The following TNRC6B variants were observed in gnomAD, a reference collection of about 807,000 sequenced individuals.
TNRC6B encodes the protein trinucleotide repeat-containing gene 6B protein.
Under a neutral mutation model 203.6 loss-of-function variants are expected in TNRC6B, and 52 were observed. The observed-to-expected ratio is 0.26, with a 90% CI of 0.20 to 0.32. The LOEUF is 0.32. Ranked by LOEUF, TNRC6B falls within the 10% of genes least tolerant of loss-of-function variation. The pLI is 1.00. For missense variants in TNRC6B, 1,923 were observed against 2,286.2 expected, an observed-to-expected ratio of 0.84 and a Z score of 3.24; for synonymous variants, 838 against 845.7, an observed-to-expected ratio of 0.99 and a Z score of 0.16.
intron 1 of TNRC6B, among the ~76,000 whole-genome samples, chr22:40,214,561 A>G (rs201956944): frequency 9.8e-6 from 1 of 102,474 alleles, no homozygotes; most frequent in South Asian, 3.5e-4. Flanking sequence ...TTTTTTTTTT[A>G]TTTTGGACAG....
chr22:40,221,200 G>A (rs534098259), intron 1 of TNRC6B, among the ~76,000 whole-genome samples: 3 of 152,264 alleles, frequency 2.0e-5, no homozygotes, highest in African/African-American at 7.2e-5. Context: ...ATGGCGGGTA[G>A]TTTCTTTTTT....
chr22:40,111,931 A>C lies in TNRC6B; in HGVS notation c.-120-5124A>C, dbSNP rs7284484. Reference sequence around the variant, plus strand: ...GCCTGGCCAAGATGGTAAAACCCCAACTCTACTAAAAATACAAAAATTAGC... The same window carrying C: ...GCCTGGCCAAGATGGTAAAACCCCACCTCTACTAAAAATACAAAAATTAGC... On this transcript the variant is annotated intron_variant, in intron 1 of 23. Transcript: ENST00000301923. Among the ~76,000 whole-genome samples the C allele has an allele frequency of 1.5e-3, 221 of 152,126 alleles. 1 individual carries two copies. The Middle Eastern group carries it at 0.02, about 14-fold the overall frequency.
intron 5 of TNRC6B, 50 bp from the exon 6 acceptor site, chr22:40,270,072 T>G (rs773242312): frequency 1.9e-6 from 3 of 1,541,962 alleles, no homozygotes; most frequent in Non-Finnish European, 2.6e-6. Flanking sequence ...CTGGATATTA[T>G]GGCATTTCAT....
chr22:40,235,612 C>T (rs761650573), intron 1 of TNRC6B, among the ~76,000 whole-genome samples: 61 of 152,140 alleles, frequency 4.0e-4, no homozygotes, highest in Admixed American at 3.3e-4. Flanking sequence ...GATACTACCA[C>T]GAAGTGAGAT....
At chr22:40,130,779 TAAAAAAAAAAAAA>T (rs200268757) in intron 3 of TNRC6B, among the ~76,000 whole-genome samples, 9 of 65,066 alleles carry the variant, frequency 1.4e-4, no homozygotes, top group Non-Finnish European at 2.8e-5. Context: ...AGACTCCGTC[TAAAAAAAAAAAAA>T]AAAAAAAAAA....
chr22:40,250,712 CTGCTTTCCGACCATGACGTCTGA>C (rs2070179641), intron 2 of TNRC6B, among the ~76,000 whole-genome samples: 2 of 152,246 alleles, frequency 1.3e-5, no homozygotes, highest in African/African-American at 4.8e-5. Context: ...GTTTTGAATC[CTGCTTTCCGACCATGACGTCTGA>C]TGCCTCTGAT....
chr22:40,097,130 T>C (rs1307539701), intron 1 of TNRC6B, among the ~76,000 whole-genome samples: 1 of 152,166 alleles, frequency 6.6e-6, no homozygotes, highest in Non-Finnish European at 1.5e-5. Flanking sequence ...GTTTGGACTG[T>C]GTTGTCTGTG....
chr22:40,070,464 C>G (rs1601797017), intron 1 of TNRC6B, among the ~76,000 whole-genome samples: 1 of 152,124 alleles, frequency 6.6e-6, no homozygotes, highest in African/African-American at 2.4e-5. Context: ...TTAACTTTGT[C>G]TTCACTCCAT....
At chr22:40,151,343 C>T (rs1454282585) in intron 3 of TNRC6B, among the ~76,000 whole-genome samples, 1 of 151,462 alleles carries the variant, frequency 6.6e-6, no homozygotes, top group Non-Finnish European at 1.5e-5. Flanking sequence ...GCGGGCAGAT[C>T]ACTTGAGGTC....
intron 13 of TNRC6B, 67 bp from the exon 14 acceptor site, chr22:40,300,843 T>G (rs1447734054): frequency 1.1e-5 from 17 of 1,486,560 alleles, no homozygotes; most frequent in Non-Finnish European, 1.6e-5. Flanking sequence ...GCACAGACCC[T>G]TTAGGTGTCC....
intron 1 of TNRC6B, among the ~76,000 whole-genome samples, chr22:40,079,506 T>A (rs1350140990): frequency 6.6e-6 from 1 of 152,132 alleles, no homozygotes; most frequent in Middle Eastern, 3.2e-3. Flanking sequence ...TATATTCTAC[T>A]CCATGAAATA....
intron 15 of TNRC6B, 99 bp from the exon 16 acceptor site, chr22:40,308,413 T>A: frequency 7.4e-7 from 1 of 1,352,590 alleles, no homozygotes; most frequent in Non-Finnish European, 1.1e-6. Context: ...ACTCTGTGAA[T>A]TAGTCTTTGA....
chr22:40,096,148 A>G (rs2068184594), intron 1 of TNRC6B, among the ~76,000 whole-genome samples: 1 of 152,178 alleles, frequency 6.6e-6, no homozygotes, highest in Admixed American at 6.5e-5. Flanking sequence ...ATGGTCAACC[A>G]CTCAATGCCA....
At chr22:40,154,342 T>C (rs1037514152) in intron 3 of TNRC6B, among the ~76,000 whole-genome samples, 1 of 151,792 alleles carries the variant, frequency 6.6e-6, no homozygotes, top group Non-Finnish European at 1.5e-5. Flanking sequence ...CAGGCGCCTG[T>C]AATCCCAGCT....
Position 40,052,273 on chromosome 22 carries a change from C to T in TNRC6B, c.-121+7275C>T, listed in dbSNP as rs1160459161. 2.0e-5 allele frequency among the ~76,000 whole-genome samples: 3 copies of T among 151,912 alleles called. No homozygotes were observed. In the East Asian group the frequency reaches 5.8e-4, roughly 29 times the overall value. On this transcript the variant is annotated intron_variant, in intron 1 of 23. Coordinates refer to the TNRC6B transcript ENST00000301923. ...GTTTTTTTCATATAGTGATTACTTACGGTCTTTACCAATTTGCGTTATAAT... is the reference window on the plus strand; with the variant it reads ...GTTTTTTTCATATAGTGATTACTTATGGTCTTTACCAATTTGCGTTATAAT...
intron 1 of TNRC6B, among the ~76,000 whole-genome samples, chr22:40,208,397 C>G (rs1312974659): frequency 6.6e-6 from 1 of 152,148 alleles, no homozygotes; most frequent in Non-Finnish European, 1.5e-5. Flanking sequence ...AAATTGGAAA[C>G]CTTAATGCCC....
chr22:40,251,131 C>T (rs1413590258), intron 2 of TNRC6B, 48 bp from the exon 3 acceptor site: 3 of 1,490,950 alleles, frequency 2.0e-6, no homozygotes, highest in Non-Finnish European at 2.7e-6. Context: ...AAATACAGTA[C>T]TGAATTAAAA....
intron 1 of TNRC6B, among the ~76,000 whole-genome samples, chr22:40,212,324 G>T (rs1442745064): frequency 2.0e-5 from 3 of 152,212 alleles, no homozygotes; most frequent in Non-Finnish European, 4.4e-5. Context: ...CATCCCTTTA[G>T]CTGACGCCTG....
rs1464310692 is a variant in TNRC6B, at chr22:40,335,260, G to C, written c.*12019G>C. The C allele has an allele frequency of 7.5e-6, 1 of 133,196 alleles. No individual in the cohort carries two copies. The highest frequency in any genetic ancestry group is 2.9e-5 in the African/African-American group (1 of 35,012). 8.3% of individuals were successfully genotyped at this position (133,196 alleles called of 1,614,324 possible). A position where few individuals can be genotyped will look rare whatever the true frequency, so the allele number is the denominator to read the frequency against. ...ATATTACTGGTTTTACATGGACACA[G>C]AAACTAGGCACTTTAGAGGTGCACT... is the stretch of plus-strand genomic sequence containing the variant. On this transcript the variant is annotated 3_prime_UTR_variant, in exon 23 of 23. Coordinates refer to ENST00000454349, the MANE Select transcript of TNRC6B (RefSeq NM_001162501.2).
Sources: gnomAD v4.1 joint callset for allele counts (sites outside exome capture counted in the v4.1 genomes callset) on GRCh38, gnomAD v4.1.1 for gene constraint, MANE v1.5 for transcripts, NCBI Gene and HGNC (gene_info 2026-07-23, HGNC 2026-07-21) for gene names.